The following SMIM35 variants were observed in gnomAD, a reference collection of about 807,000 sequenced individuals.
SMIM35 encodes TMPRSS4 antisense RNA 1 (non-protein coding).
At chr11:118,041,857 C>T (rs1230216511) in intron 1 of SMIM35, among the ~76,000 whole-genome samples, 2 of 151,876 alleles carry the variant, frequency 1.3e-5, no homozygotes, top group African/African-American at 4.8e-5. Flanking sequence ...TCAAGACCAG[C>T]CTGGCCAACA....
chr11:118,057,184 TAAG>T (rs1369402109), intron 1 of SMIM35, among the ~76,000 whole-genome samples: 3 of 152,104 alleles, frequency 2.0e-5, no homozygotes, highest in African/African-American at 7.2e-5. Context: ...GGTGCTCTCT[TAAG>T]AAGGAGGAAT....
At chr11:118,020,564 T>C (rs2058220010) in intron 1 of SMIM35, among the ~76,000 whole-genome samples, 1 of 152,238 alleles carries the variant, frequency 6.6e-6, no homozygotes, top group Admixed American at 6.5e-5. Flanking sequence ...GACTGTCATA[T>C]GTTTTATAAT....
rs377620802 is a variant in SMIM35 at position 118,047,046 on chromosome 11, TAA to T, written c.8-31239_8-31238del. 4.4e-3 allele frequency among the ~76,000 whole-genome samples: 673 copies of T among 152,280 alleles called. 3 individuals are homozygous for T. Among genetic ancestry groups the T allele is most frequent in the African/African-American group, 0.015 (634 of 41,548 alleles). ...AGTTTTATTACTTCCCTAAGCAAGATAAAGTCAAGGAATAGAAGTGAGCTTCC... is the reference window on the plus strand; with the variant it reads ...AGTTTTATTACTTCCCTAAGCAAGATAGTCAAGGAATAGAAGTGAGCTTCC... On this transcript the variant is annotated intron_variant, in intron 1 of 4. Transcript: ENST00000689828.
At chr11:118,059,349 AGGGGAAGT>A (rs2135118604) in intron 1 of SMIM35, 1 of 152,346 alleles carries the variant, frequency 6.6e-6, no homozygotes, top group South Asian at 2.1e-4. Flanking sequence ...TCAGTCTGGG[AGGGGAAGT>A]GGTGCCCCTC....
chr11:118,009,325 A>G (rs947594564), intron 4 of SMIM35, among the ~76,000 whole-genome samples: 1 of 152,204 alleles, frequency 6.6e-6, no homozygotes, highest in Non-Finnish European at 1.5e-5. Flanking sequence ...GTGACAAAGG[A>G]CTATAAAGAA....
intron 1 of SMIM35, among the ~76,000 whole-genome samples, chr11:118,021,802 C>T (rs2058233017): frequency 6.6e-6 from 1 of 152,032 alleles, no homozygotes; most frequent in African/African-American, 2.4e-5. Context: ...GAAAGACAAA[C>T]TTTAAAAATT....
chr11:118,007,606 G>A (rs1241617764), intron 4 of SMIM35, among the ~76,000 whole-genome samples: 2 of 152,140 alleles, frequency 1.3e-5, no homozygotes, highest in Non-Finnish European at 2.9e-5. Flanking sequence ...ATGTTGGCCA[G>A]GATGGTCTCA....
At chr11:118,016,773 C>T (rs369598369) in intron 1 of SMIM35, among the ~76,000 whole-genome samples, 14 of 152,242 alleles carry the variant, frequency 9.2e-5, no homozygotes, top group African/African-American at 3.1e-4. Flanking sequence ...ATTGTTGTGA[C>T]AATTAAAAGA....
chr11:118,036,293 G>A (rs575751991), intron 1 of SMIM35, among the ~76,000 whole-genome samples: 4 of 152,296 alleles, frequency 2.6e-5, no homozygotes, highest in Non-Finnish European at 4.4e-5. Flanking sequence ...AGGAAATGCT[G>A]GTAAATTACC....
At position 118,028,751 on chromosome 11, in the gene SMIM35, G is replaced by A. The variant is rs78646029; in HGVS notation, c.8-12942C>T. On this transcript the variant is annotated intron_variant, in intron 1 of 4. Coordinates refer to ENST00000689828, the MANE Select transcript of SMIM35 (RefSeq NM_001394165.1). ...GGTAAATTAGGAGGTTGGGGAAGAA[G>A]ATGGAAGAAGAGAAACTGAGAAGCA... is the stretch of plus-strand genomic sequence containing the variant. The A allele has an allele frequency of 2.5e-4, 109 of 432,016 alleles. 2 individuals are homozygous for A. Among genetic ancestry groups the A allele is most frequent in the Middle Eastern group, 1.0e-3 (3 of 2,964 alleles). 26.8% of individuals were successfully genotyped at this position (432,016 alleles called of 1,614,324 possible).
Position 118,034,872 on chromosome 11 carries a change from C to T in SMIM35, c.8-19063G>A, listed in dbSNP as rs552816492. Among the ~76,000 whole-genome samples the T allele has an allele frequency of 5.3e-5, 8 of 152,300 alleles. No individual in the cohort carries two copies. In the South Asian group the frequency reaches 1.7e-3, roughly 32 times the overall value. On this transcript the variant is annotated intron_variant, in intron 1 of 4. Coordinates refer to ENST00000689828, the MANE Select transcript of SMIM35 (RefSeq NM_001394165.1). ...GGATGGAACTCTCAGGGAAGCTCCC[C>T]TTGGAATATGTGTCCATTAGACTTG...
chr11:118,066,028 C>T (rs2135130588), intron 1 of SMIM35, among the ~76,000 whole-genome samples: 1 of 152,110 alleles, frequency 6.6e-6, no homozygotes, highest in African/African-American at 2.4e-5. Flanking sequence ...CTGGGCCCTG[C>T]TGGGGAAGAG....
At chr11:118,029,719 C>T (rs1302408727) in intron 1 of SMIM35, 3 of 457,298 alleles carry the variant, frequency 6.6e-6, no homozygotes, top group African/African-American at 2.0e-5. Flanking sequence ...TTACACCCTA[C>T]CCTCTGCCCC....
intron 1 of SMIM35, among the ~76,000 whole-genome samples, chr11:118,054,835 G>A (rs1293302626): frequency 7.6e-6 from 1 of 131,644 alleles, no homozygotes; most frequent in African/African-American, 2.9e-5. Context: ...ACAGAGCTTT[G>A]TTCTGTTACC....
intron 1 of SMIM35, among the ~76,000 whole-genome samples, chr11:118,079,203 C>A (rs1392737158): frequency 6.6e-6 from 1 of 152,142 alleles, no homozygotes; most frequent in Non-Finnish European, 1.5e-5. Context: ...TGCTGAATAA[C>A]CCTGTCATTA....
chr11:118,012,238 G>T (rs1363154649), intron 4 of SMIM35, among the ~76,000 whole-genome samples: 2 of 152,206 alleles, frequency 1.3e-5, no homozygotes, highest in Non-Finnish European at 2.9e-5. Context: ...ATCCACAGGA[G>T]CCCCGAGGAC....
At chr11:118,083,992 A>G (rs910400085) in intron 1 of SMIM35, among the ~76,000 whole-genome samples, 1 of 152,050 alleles carries the variant, frequency 6.6e-6, no homozygotes, top group African/African-American at 2.4e-5. Context: ...GAGCCGAGAC[A>G]GCGCCACTGC....
chr11:118,083,281 C>T (rs933985973), intron 1 of SMIM35, among the ~76,000 whole-genome samples: 3 of 152,222 alleles, frequency 2.0e-5, no homozygotes, highest in East Asian at 3.8e-4. Flanking sequence ...TCTCAGACGG[C>T]CACACACACT....
chr11:118,067,906 T>C (rs1054741243), intron 1 of SMIM35, among the ~76,000 whole-genome samples: 6 of 121,728 alleles, frequency 4.9e-5, no homozygotes, highest in African/African-American at 1.9e-4. Context: ...TATATATATA[T>C]GAAAAGTTTA....
Sources: allele counts gnomAD v4.1 joint callset (sites outside exome capture counted in the v4.1 genomes callset), GRCh38; gene constraint gnomAD v4.1.1; transcripts MANE v1.5; gene names NCBI Gene and HGNC (gene_info 2026-07-23, HGNC 2026-07-21).